Variants in ZBTB16 observed in about 807,000 individuals in gnomAD.
ZBTB16 encodes the protein zinc finger and BTB domain-containing protein 16.
In ZBTB16, 8 loss-of-function variants were observed where a neutral mutation model predicts 56.8. That is an observed-to-expected ratio of 0.14 (90% CI 0.08 to 0.25). ZBTB16 has a LOEUF of 0.25. Among genes scored for constraint, ZBTB16 ranks in the 10% least tolerant of loss-of-function variants. ZBTB16 has a pLI of 1.00. For synonymous variants in ZBTB16, 363 were observed against 368.5 expected (o/e 0.98, Z 0.17); for missense variants, 625 against 903.0 (o/e 0.69, Z 3.95).
intron 4 of ZBTB16, among the ~76,000 whole-genome samples, chr11:114,208,629 G>T (rs533157820): frequency 6.9e-4 from 105 of 152,284 alleles, no homozygotes; most frequent in African/African-American, 2.5e-3. Flanking sequence ...CCCAGTCTGT[G>T]CCCTCTGCAC....
At chr11:114,171,245 C>T (rs1420699209) in intron 3 of ZBTB16, among the ~76,000 whole-genome samples, 4 of 152,218 alleles carry the variant, frequency 2.6e-5, no homozygotes, top group African/African-American at 7.2e-5. Flanking sequence ...CTGTCCTGTC[C>T]GAGCAAAGCG....
intron 3 of ZBTB16, among the ~76,000 whole-genome samples, chr11:114,159,937 C>CGGCGGGGG (rs1555145906): frequency 3.2e-5 from 3 of 93,834 alleles, no homozygotes; most frequent in African/African-American, 1.3e-4. Flanking sequence ...GCGGGGGAGG[C>CGGCGGGGG]GGGGGGGAGG....
intron 3 of ZBTB16, among the ~76,000 whole-genome samples, chr11:114,170,981 G>C (rs1016845356): frequency 1.3e-5 from 2 of 152,174 alleles, no homozygotes; most frequent in African/African-American, 4.8e-5. Flanking sequence ...CTTCATTGGG[G>C]CCTAATGGAC....
chr11:114,083,446 C>T (rs1939847433), intron 2 of ZBTB16, among the ~76,000 whole-genome samples: 1 of 152,188 alleles, frequency 6.6e-6, no homozygotes, highest in South Asian at 2.1e-4. Context: ...CCACTTGTCT[C>T]ACGTCCCAGT....
intron 2 of ZBTB16, among the ~76,000 whole-genome samples, chr11:114,148,597 G>T (rs1047336918): frequency 3.3e-5 from 5 of 151,054 alleles, no homozygotes; most frequent in Non-Finnish European, 7.4e-5. Flanking sequence ...GGGTTCAAGC[G>T]ATTCTCCTGC....
chr11:114,216,316 C>A (rs1944092891), intron 4 of ZBTB16, among the ~76,000 whole-genome samples: 1 of 152,202 alleles, frequency 6.6e-6, no homozygotes, highest in Admixed American at 6.5e-5. Context: ...CACATTTGTC[C>A]TTCATGATCT....
intron 4 of ZBTB16, among the ~76,000 whole-genome samples, chr11:114,218,183 T>G (rs1225617930): frequency 6.6e-6 from 1 of 152,254 alleles, no homozygotes; most frequent in Admixed American, 6.5e-5. Context: ...GGACCTGCTG[T>G]GCTGCACGGA....
chr11:114,123,652 A>G (rs238897), intron 2 of ZBTB16, among the ~76,000 whole-genome samples: 76,674 of 151,934 alleles, frequency 0.5, 19,679 homozygotes, highest in South Asian at 0.61. Flanking sequence ...CAGTTTACAC[A>G]TGGTATTTGA....
chr11:114,230,309 G>A (rs1273251926), intron 4 of ZBTB16, among the ~76,000 whole-genome samples: 5 of 152,134 alleles, frequency 3.3e-5, no homozygotes, highest in East Asian at 3.9e-4. Context: ...CAGGCTGTGC[G>A]TACATTCTGC....
chr11:114,173,580 A>G (rs1206062640), intron 3 of ZBTB16, among the ~76,000 whole-genome samples: 1 of 152,194 alleles, frequency 6.6e-6, no homozygotes, highest in East Asian at 1.9e-4. Flanking sequence ...CTCAGCCCCA[A>G]GATAATTGAA....
chr11:114,222,817 A>G (rs192251993), intron 4 of ZBTB16, among the ~76,000 whole-genome samples: 1 of 152,240 alleles, frequency 6.6e-6, no homozygotes, highest in Admixed American at 6.5e-5. Context: ...TCAAAACAGT[A>G]TATCATATAT....
intron 4 of ZBTB16, chr11:114,209,340 C>CATGTGTATGTAGG: frequency 2.0e-6 from 2 of 977,812 alleles, no homozygotes; most frequent in Non-Finnish European, 2.4e-6. Context: ...TGTTACTAAT[C>CATGTGTATGTAGG]CCGTTCCTTT....
intron 4 of ZBTB16, among the ~76,000 whole-genome samples, chr11:114,215,283 C>T (rs1369259157): frequency 6.6e-6 from 1 of 152,168 alleles, no homozygotes; most frequent in Admixed American, 6.5e-5. Flanking sequence ...AGAAGTTGGC[C>T]TTCTTGCTTC....
At chr11:114,071,634 C>A (rs1354055247) in intron 2 of ZBTB16, among the ~76,000 whole-genome samples, 1 of 152,134 alleles carries the variant, frequency 6.6e-6, no homozygotes, top group East Asian at 1.9e-4. Flanking sequence ...AAAGCAAGCC[C>A]TGCTGAAAGC....
Position 114,121,798 on chromosome 11 carries a change from T to C in ZBTB16, c.1269-34539T>C, listed in dbSNP as rs148551436. 2.5e-3 allele frequency: 1,157 copies of C among 455,874 alleles called. 10 individuals carry two copies. Among genetic ancestry groups the C allele is most frequent in the African/African-American group, 0.02 (1,008 of 50,194 alleles). 28.2% of individuals were successfully genotyped at this position (455,874 alleles called of 1,614,324 possible). A position where few individuals can be genotyped will look rare whatever the true frequency, so the allele number is the denominator to read the frequency against. Reference sequence around the variant, plus strand: ...GCTTTTCACAGACATTTCCAAATTCTGAGTCTACTCTCAATGCAGGGTCTT... The same window carrying C: ...GCTTTTCACAGACATTTCCAAATTCCGAGTCTACTCTCAATGCAGGGTCTT... On this transcript the variant is annotated intron_variant, in intron 2 of 6. Coordinates refer to ENST00000335953, the MANE Select transcript of ZBTB16 (RefSeq NM_006006.6).
intron 2 of ZBTB16, among the ~76,000 whole-genome samples, chr11:114,118,829 C>G (rs1272827808): frequency 6.6e-6 from 1 of 152,194 alleles, no homozygotes; most frequent in Non-Finnish European, 1.5e-5. Context: ...TGTGATGAGA[C>G]AGAGTGTTCT....
At chr11:114,247,482 A>G in intron 6 of ZBTB16, 117 bp downstream of exon 6, 1 of 1,436,438 alleles carries the variant, frequency 7.0e-7, no homozygotes, top group Non-Finnish European at 9.6e-7. Context: ...CAAAGAGTAG[A>G]AGAGGTTCTA....
intron 2 of ZBTB16, among the ~76,000 whole-genome samples, chr11:114,128,517 G>A (rs903796678): frequency 5.3e-5 from 8 of 152,074 alleles, no homozygotes; most frequent in African/African-American, 1.2e-4. Context: ...TTTCACCTGC[G>A]AAATGGCGGG....
intron 4 of ZBTB16, among the ~76,000 whole-genome samples, chr11:114,238,418 C>A (rs2135191750): frequency 6.6e-6 from 1 of 152,052 alleles, no homozygotes; most frequent in South Asian, 2.1e-4. Flanking sequence ...GATTGGGGTG[C>A]CAGCATGTTC....
Sources: allele counts gnomAD v4.1 joint callset (sites outside exome capture counted in the v4.1 genomes callset), GRCh38; gene constraint gnomAD v4.1.1; transcripts MANE v1.5; gene names NCBI Gene and HGNC (gene_info 2026-07-23, HGNC 2026-07-21).